DCDC1: variants seen among roughly 807,000 people sequenced by gnomAD.
DCDC1 encodes the protein doublecortin domain-containing protein 1.
In DCDC1, 200 loss-of-function variants were observed where a neutral mutation model predicts 178.3. That is an observed-to-expected ratio of 1.12 (90% confidence interval 1.00 to 1.26). DCDC1 has a LOEUF of 1.26. DCDC1 is among the 50% of genes most tolerant of loss of function. DCDC1 has a pLI of 0.00. For missense variants in DCDC1, 1,983 were observed against 1,749.2 expected (o/e 1.13, Z -2.38); for synonymous variants, 690 against 604.8 (o/e 1.14, Z -2.07).
chr11:31,093,386 C>T (rs772183190), intron 16 of DCDC1, among the ~76,000 whole-genome samples: 4 of 152,146 alleles, frequency 2.6e-5, no homozygotes, highest in Non-Finnish European at 5.9e-5. Flanking sequence ...GCAAAATCAT[C>T]TGTGATGACG....
At chr11:30,884,264 C>G (rs1033488356) in intron 36 of DCDC1, among the ~76,000 whole-genome samples, 1 of 152,016 alleles carries the variant, frequency 6.6e-6, no homozygotes, top group Non-Finnish European at 1.5e-5. Flanking sequence ...CTCCTGGGTT[C>G]AATCAGTCCC....
chr11:31,310,433 C>G (rs1187150011), intron 3 of DCDC1, among the ~76,000 whole-genome samples: 1 of 149,982 alleles, frequency 6.7e-6, no homozygotes, highest in Admixed American at 6.7e-5. Flanking sequence ...ATTCTTCTGC[C>G]TCAGCTTCCT....
intron 12 of DCDC1, among the ~76,000 whole-genome samples, chr11:31,107,273 C>T (rs904599847): frequency 3.3e-5 from 5 of 152,132 alleles, no homozygotes; most frequent in Admixed American, 2.6e-4. Flanking sequence ...CACATGGTAA[C>T]GGTCCTCTTT....
At chr11:30,982,720 A>G (rs551938054) in intron 20 of DCDC1, among the ~76,000 whole-genome samples, 1 of 151,666 alleles carries the variant, frequency 6.6e-6, no homozygotes, top group Admixed American at 6.6e-5. Context: ...GCTGCTGTGT[A>G]TTTATTTTTC....
chr11:31,186,650 C>A (rs1173408204), intron 9 of DCDC1, among the ~76,000 whole-genome samples: 1 of 152,238 alleles, frequency 6.6e-6, no homozygotes, highest in African/African-American at 2.4e-5. Context: ...GGCCACCATG[C>A]CTGCCTACTG....
chr11:31,277,746 C>T (rs1243795352), intron 7 of DCDC1, among the ~76,000 whole-genome samples: 1 of 151,934 alleles, frequency 6.6e-6, no homozygotes, highest in Non-Finnish European at 1.5e-5. Context: ...CATCTTTTGA[C>T]TTATTTTTGT....
chr11:31,203,583 G>T (rs1971544693), intron 9 of DCDC1, among the ~76,000 whole-genome samples: 1 of 152,176 alleles, frequency 6.6e-6, no homozygotes, highest in Admixed American at 6.6e-5. Context: ...TGATGTTGAG[G>T]TGTAGGATGC....
At chr11:30,928,715 A>T (rs1352847290) in intron 22 of DCDC1, among the ~76,000 whole-genome samples, 1 of 24,560 alleles carries the variant, frequency 4.1e-5, no homozygotes, top group Non-Finnish European at 9.0e-5. Flanking sequence ...TTCATTTTAA[A>T]TATTACATAA....
chr11:31,254,372 G>A (rs181707073), intron 8 of DCDC1, among the ~76,000 whole-genome samples: 5 of 152,248 alleles, frequency 3.3e-5, no homozygotes, highest in Admixed American at 6.5e-5. Flanking sequence ...TGTGAAAATC[G>A]AGAATGTGCA....
At chr11:31,258,801 C>T (rs1944585153) in intron 8 of DCDC1, among the ~76,000 whole-genome samples, 1 of 152,104 alleles carries the variant, frequency 6.6e-6, no homozygotes, top group African/African-American at 2.4e-5. Flanking sequence ...TAAATAATTC[C>T]ATAGACAGAA....
chr11:31,028,521 C>T (rs1953407444), intron 20 of DCDC1, among the ~76,000 whole-genome samples: 1 of 151,848 alleles, frequency 6.6e-6, no homozygotes, highest in African/African-American at 2.4e-5. Flanking sequence ...AGCCTTTAAA[C>T]CATTCCTGTT....
intron 9 of DCDC1, among the ~76,000 whole-genome samples, chr11:31,196,067 C>G (rs1313630671): frequency 6.6e-6 from 1 of 151,964 alleles, no homozygotes; most frequent in Non-Finnish European, 1.5e-5. Context: ...CCACCCTAGA[C>G]TCCCTCAAGA....
chr11:31,274,586 G>C (rs1157925012), intron 7 of DCDC1, among the ~76,000 whole-genome samples: 1 of 149,816 alleles, frequency 6.7e-6, no homozygotes, highest in East Asian at 2.1e-4. Context: ...TGTATTCCAG[G>C]AATCGAAAGG....
At chr11:31,235,438 C>T (rs192047331) in intron 9 of DCDC1, among the ~76,000 whole-genome samples, 8 of 151,412 alleles carry the variant, frequency 5.3e-5, no homozygotes, top group Admixed American at 1.3e-4. Flanking sequence ...TTAAGTCAAT[C>T]TGTATCCATA....
chr11:31,017,108 T>C (rs1952527033), intron 20 of DCDC1, among the ~76,000 whole-genome samples: 1 of 152,194 alleles, frequency 6.6e-6, no homozygotes, highest in South Asian at 2.1e-4. Flanking sequence ...ACAATATAGA[T>C]ACATTATACA....
chr11:31,138,335 C>T (rs1963412280), intron 9 of DCDC1, among the ~76,000 whole-genome samples: 1 of 152,184 alleles, frequency 6.6e-6, no homozygotes, highest in Non-Finnish European at 1.5e-5. Flanking sequence ...TCTTCTACTA[C>T]TGCTGCCAAC....
At chr11:31,019,482 G>C (rs1196338463) in intron 20 of DCDC1, among the ~76,000 whole-genome samples, 1 of 152,164 alleles carries the variant, frequency 6.6e-6, no homozygotes, top group African/African-American at 2.4e-5. Context: ...GGGTTAATGT[G>C]GGGGTGGGGT....
At chr11:31,062,394 AG>A (rs1242047854) in intron 20 of DCDC1, among the ~76,000 whole-genome samples, 3 of 152,128 alleles carry the variant, frequency 2.0e-5, no homozygotes, top group African/African-American at 7.2e-5. Context: ...ACTTTCCCCA[AG>A]GGAATTACAT....
chr11:31,134,825 T>C (rs906611269), intron 10 of DCDC1, among the ~76,000 whole-genome samples: 1 of 152,034 alleles, frequency 6.6e-6, no homozygotes, highest in Non-Finnish European at 1.5e-5. Flanking sequence ...CAAGACCCTA[T>C]CTCTACAAAA....
Sources: allele counts gnomAD v4.1 joint callset (sites outside exome capture counted in the v4.1 genomes callset), GRCh38; gene constraint gnomAD v4.1.1; transcripts MANE v1.5; gene names NCBI Gene and HGNC (gene_info 2026-07-23, HGNC 2026-07-21).